The following OCLN variants were observed in gnomAD, a reference collection of about 807,000 sequenced individuals.
OCLN encodes phosphatase 1, regulatory subunit 115.
OCLN carries 21 observed loss-of-function variants against 47.9 expected under a neutral mutation model. That is an observed-to-expected ratio of 0.44 (90% confidence interval 0.31 to 0.63). The LOEUF (loss-of-function observed/expected upper bound fraction) is 0.63, where lower values mean the gene tolerates loss of function less well. OCLN is among the 30% of genes least tolerant of loss of function. OCLN has a pLI of 0.08. For synonymous variants in OCLN, 117 were observed against 198.4 expected (o/e 0.59, Z 3.45); for missense variants, 360 against 571.0 (o/e 0.63, Z 3.77).
intron 5 of OCLN, among the ~76,000 whole-genome samples, chr5:69,537,778 A>AAC (rs531363581): frequency 0.05 from 1,070 of 21,594 alleles, 79 homozygotes; most frequent in African/African-American, 0.15. Flanking sequence ...AATAAAAATA[A>AAC]ACACACACAC....
At chr5:69,534,589 A>T in intron 4 of OCLN, 105 bp from the exon 5 acceptor site, 1 of 366,510 alleles carries the variant, frequency 2.7e-6, no homozygotes, top group South Asian at 2.3e-5. Context: ...ATAGTATTTA[A>T]TGGGCCACAT....
chr5:69,511,555 G>A (rs1211629076), intron 3 of OCLN, among the ~76,000 whole-genome samples: 1 of 151,876 alleles, frequency 6.6e-6, no homozygotes, highest in Non-Finnish European at 1.5e-5. Context: ...AGGACCACAG[G>A]GGCATGCCAC....
chr5:69,531,543 T>G (rs1769431480), intron 4 of OCLN, among the ~76,000 whole-genome samples: 1 of 152,204 alleles, frequency 6.6e-6, no homozygotes, highest in African/African-American at 2.4e-5. Flanking sequence ...GGTGAAGCAT[T>G]TGCCTGTGAA....
In OCLN at chr5:69,504,231, A is replaced by G. The variant is rs768413722; in HGVS notation, c.-14A>G. The stretch of plus-strand genomic sequence containing the variant: ...TGCTCATCCTGAAGATCAGCTGACC[A>G]TTGACAATCAGCCATGTCATCCAGG... On this transcript the variant is annotated 5_prime_UTR_variant, in exon 2 of 9. Coordinates refer to ENST00000396442, the MANE Select transcript of OCLN (RefSeq NM_001205254.2). 3.1e-6 allele frequency: 5 copies of G among 1,599,788 alleles called. No individual in the cohort carries two copies. In the Admixed American group the frequency reaches 8.3e-5, roughly 27 times the overall value.
intron 4 of OCLN, among the ~76,000 whole-genome samples, chr5:69,523,790 C>A (rs1291362287): frequency 6.6e-6 from 1 of 152,096 alleles, no homozygotes; most frequent in East Asian, 1.9e-4. Flanking sequence ...CCCGCCTCAG[C>A]CTCCCAAAGT....
rs1768216403 is a variant in OCLN at position 69,493,877 on chromosome 5, C to T, written c.-69+977C>T. On this transcript the variant is annotated intron_variant, in intron 1 of 8. Coordinates refer to ENST00000396442, the MANE Select transcript of OCLN (RefSeq NM_001205254.2). The surrounding 1 kb of genome is among the most constrained non-coding windows in gnomAD (Gnocchi z 5.3). ...GGGTTGGGAGCGGCGCCGAGCCCCT[C>T]GCGCTCCTCGGGAAGCCACCGGGCC... Among the ~76,000 whole-genome samples the T allele has an allele frequency of 6.6e-6, 1 of 152,154 alleles. No homozygotes were observed. Among genetic ancestry groups the T allele is most frequent in the Non-Finnish European group, 1.5e-5 (1 of 68,008 alleles).
At chr5:69,499,585 T>C (rs994640516) in intron 1 of OCLN, among the ~76,000 whole-genome samples, 5 of 152,018 alleles carry the variant, frequency 3.3e-5, no homozygotes, top group African/African-American at 1.2e-4. Context: ...CTTGTGGTTT[T>C]TTTCTTTCTT....
intron 3 of OCLN, among the ~76,000 whole-genome samples, chr5:69,512,338 A>T (rs1243659632): frequency 6.6e-6 from 1 of 152,240 alleles, no homozygotes; most frequent in Non-Finnish European, 1.5e-5. Context: ...AGTTTTCTTC[A>T]TGCCTTTGTC....
intron 1 of OCLN, among the ~76,000 whole-genome samples, chr5:69,499,123 C>CTGGA (rs1331560561): frequency 6.6e-6 from 1 of 152,108 alleles, no homozygotes; most frequent in Non-Finnish European, 1.5e-5. Context: ...GTTACTCAGG[C>CTGGA]TGGAGTATAG....
intron 4 of OCLN, among the ~76,000 whole-genome samples, chr5:69,530,995 C>T (rs543264457): frequency 4.2e-4 from 64 of 152,214 alleles, no homozygotes; most frequent in Admixed American, 1.8e-3. Flanking sequence ...ACTGCCCGCC[C>T]TTGCATTTTC....
chr5:69,550,278 G>A (rs1386121229), intron 7 of OCLN, among the ~76,000 whole-genome samples: 2 of 109,754 alleles, frequency 1.8e-5, no homozygotes, highest in Admixed American at 1.1e-4. Context: ...TGCAACCTTC[G>A]CCTCCTAGGT....
At chr5:69,513,561 T>A (rs1043123460) in intron 3 of OCLN, among the ~76,000 whole-genome samples, 1 of 152,228 alleles carries the variant, frequency 6.6e-6, no homozygotes, top group Non-Finnish European at 1.5e-5. Context: ...TTCAGGCCCT[T>A]TAGAAGTATA....
At position 69,529,375 on chromosome 5, in the gene OCLN, T is replaced by G. The variant is rs547768628; in HGVS notation, c.892-5319T>G. Reference sequence around the variant, plus strand: ...ACATAATCAGAACACTTCTAATGAGTACAATTAAGCTTTGAATAAAAATTT... The same window carrying G: ...ACATAATCAGAACACTTCTAATGAGGACAATTAAGCTTTGAATAAAAATTT... On this transcript the variant is annotated intron_variant, in intron 4 of 8. Coordinates refer to ENST00000396442, the MANE Select transcript of OCLN (RefSeq NM_001205254.2). Among the ~76,000 whole-genome samples, 28 of 152,348 alleles carry G rather than the reference T, an allele frequency of 1.8e-4. No individual in the cohort carries two copies. The South Asian group carries it at 5.8e-3, about 32-fold the overall frequency.
At position 69,523,439 on chromosome 5, in the gene OCLN, G is replaced by T. The variant is rs192401841; in HGVS notation, c.891+9330G>T. 2.1e-3 allele frequency among the ~76,000 whole-genome samples: 320 copies of T among 151,966 alleles called. 2 individuals are homozygous for T. Among genetic ancestry groups the T allele is most frequent in the Middle Eastern group, 6.9e-3 (2 of 290 alleles). ...AAAGCATTTTCATCCACATGCCTGG[G>T]GTCACATATGGGTGACAAAGCCAGG... On this transcript the variant is annotated intron_variant, in intron 4 of 8. Coordinates refer to ENST00000396442, the MANE Select transcript of OCLN (RefSeq NM_001205254.2).
chr5:69,519,465 C>T (rs1431859416), intron 4 of OCLN, among the ~76,000 whole-genome samples: 2 of 152,016 alleles, frequency 1.3e-5, no homozygotes, highest in African/African-American at 4.8e-5. Flanking sequence ...GGCTTTTTTT[C>T]CCCCTTCCTT....
chr5:69,548,143 T>G, intron 7 of OCLN, 42 bp downstream of exon 7: 1 of 413,434 alleles, frequency 2.4e-6, no homozygotes, highest in Non-Finnish European at 4.4e-6. Context: ...AGAATTTGAA[T>G]CTAATCTGTG....
At chr5:69,504,867 T>C (rs1233729672) in intron 2 of OCLN, among the ~76,000 whole-genome samples, 1 of 151,552 alleles carries the variant, frequency 6.6e-6, no homozygotes, top group Non-Finnish European at 1.5e-5. Context: ...AGGCAGGAGA[T>C]TCACTTGAAC....
chr5:69,501,637 A>G (rs1252973960), intron 1 of OCLN, among the ~76,000 whole-genome samples: 1 of 152,062 alleles, frequency 6.6e-6, no homozygotes, highest in Non-Finnish European at 1.5e-5. Flanking sequence ...AAAAGAAAAA[A>G]AAAAAAAGTA....
At chr5:69,510,693 G>C (rs1018278408) in intron 3 of OCLN, among the ~76,000 whole-genome samples, 5 of 151,994 alleles carry the variant, frequency 3.3e-5, no homozygotes, top group African/African-American at 1.2e-4. Context: ...CAAAAAAAAA[G>C]AATCATGCTA....
Sources: allele counts gnomAD v4.1 joint callset (sites outside exome capture counted in the v4.1 genomes callset), GRCh38; gene constraint gnomAD v4.1.1; non-coding constraint Gnocchi (gnomAD v3.1); transcripts MANE v1.5; gene names NCBI Gene and HGNC (gene_info 2026-07-23, HGNC 2026-07-21).